The following TTC6 variants were observed in gnomAD, a reference collection of about 807,000 sequenced individuals.
TTC6 encodes tetratricopeptide repeat domain 6, also known as tetratricopeptide repeat protein 6.
TTC6 carries 172 observed loss-of-function variants against 210.4 expected under a neutral mutation model. The observed-to-expected ratio is 0.82, with a 90% confidence interval of 0.72 to 0.93. The LOEUF is 0.93. Among genes scored for constraint, TTC6 ranks in the 40% least tolerant of loss-of-function variants. The pLI is 0.00. For missense variants in TTC6, 2,414 were observed against 2,318.1 expected (o/e 1.04, Z -0.85); for synonymous variants, 804 against 819.6 (o/e 0.98, Z 0.32).
intron 5 of TTC6, 145 bp downstream of exon 7, chr14:37,701,671 C>T (rs1277400465): frequency 3.1e-6 from 2 of 636,436 alleles, no homozygotes; most frequent in Non-Finnish European, 5.1e-6. Context: ...TCTGCTGCTT[C>T]CTCAGGTATA....
intron 1 of TTC6, among the ~76,000 whole-genome samples, chr14:37,673,199 G>A (rs34813864): frequency 0.057 from 8,705 of 152,124 alleles, 383 homozygotes; most frequent in Non-Finnish European, 0.089. Context: ...GGGTAAGAAC[G>A]GATGTCAAGC....
chr14:37,685,544 TG>T, intron 3 of TTC6, among the ~76,000 whole-genome samples: 1 of 152,310 alleles, frequency 6.6e-6, no homozygotes, highest in African/African-American at 2.4e-5. Context: ...AATTTATTTT[TG>T]GAAAAAGGTT....
intron 1 of TTC6, among the ~76,000 whole-genome samples, chr14:37,599,578 G>A (rs908592089): frequency 1.3e-5 from 2 of 152,180 alleles, no homozygotes; most frequent in East Asian, 3.9e-4. Flanking sequence ...CTCCGGGCGC[G>A]GACCTAGCTC....
At chr14:37,827,564 C>T (rs1342234383) in intron 29 of TTC6, among the ~76,000 whole-genome samples, 198 bp downstream of exon 31, 1 of 151,974 alleles carries the variant, frequency 6.6e-6, no homozygotes, top group Non-Finnish European at 1.5e-5. Flanking sequence ...TTATTCTCCT[C>T]ATTAACACTT....
chr14:37,722,998 A>G (rs902134101), intron 6 of TTC6, among the ~76,000 whole-genome samples: 1 of 152,174 alleles, frequency 6.6e-6, no homozygotes, highest in Non-Finnish European at 1.5e-5. Flanking sequence ...ATTTATTTAT[A>G]TCAGTATGAT....
intron 1 of TTC6, 37 bp downstream of exon 3, chr14:37,623,040 A>AT: frequency 1.4e-6 from 2 of 1,406,210 alleles, no homozygotes; most frequent in Non-Finnish European, 1.9e-6. Context: ...TTTTTCCCAA[A>AT]TGCAATTTGG....
chr14:37,666,662 C>T (rs952643231), intron 1 of TTC6, among the ~76,000 whole-genome samples: 1 of 150,178 alleles, frequency 6.7e-6, no homozygotes, highest in Non-Finnish European at 1.5e-5. Flanking sequence ...GAAAGATACC[C>T]TCAAAACTTG....
intron 2 of TTC6, among the ~76,000 whole-genome samples, chr14:37,615,120 C>A (rs751054858): frequency 2.0e-5 from 3 of 152,184 alleles, no homozygotes; most frequent in African/African-American, 7.2e-5. Flanking sequence ...TTAGGGGTGT[C>A]TGATGAGAAG....
chr14:37,693,180 TAAAC>T (rs2095807640), intron 3 of TTC6, among the ~76,000 whole-genome samples: 1 of 152,148 alleles, frequency 6.6e-6, no homozygotes, highest in South Asian at 2.1e-4. Flanking sequence ...TGAGAACTGA[TAAAC>T]AAATTTAGTA....
At chr14:37,837,617 T>C in intron 29 of TTC6, 1 of 244,574 alleles carries the variant, frequency 4.1e-6, no homozygotes, top group South Asian at 4.0e-5. Context: ...GTCCTTACTA[T>C]TTTCTGCATA....
intron 1 of TTC6, among the ~76,000 whole-genome samples, chr14:37,632,925 T>C (rs2095672773): frequency 6.6e-6 from 1 of 152,176 alleles, no homozygotes; most frequent in Non-Finnish European, 1.5e-5. Context: ...GAAAAACTCC[T>C]ACTCAATCAG....
chr14:37,681,940 G>A (rs2095784779), intron 2 of TTC6, among the ~76,000 whole-genome samples: 1 of 152,270 alleles, frequency 6.6e-6, no homozygotes, highest in Non-Finnish European at 1.5e-5. Context: ...CCCTTTTGCA[G>A]TTAGATGGGG....
intron 1 of TTC6, among the ~76,000 whole-genome samples, chr14:37,670,513 G>A (rs1324347632): frequency 4.8e-5 from 6 of 124,596 alleles, no homozygotes; most frequent in Admixed American, 1.9e-4. Flanking sequence ...CTCTGTTGTC[G>A]AGGCTGGAGT....
chr14:37,766,571 A>G (rs1297990950), intron 14 of TTC6, among the ~76,000 whole-genome samples: 1 of 152,194 alleles, frequency 6.6e-6, no homozygotes, highest in Non-Finnish European at 1.5e-5. Context: ...ATAGTGTTCC[A>G]TGCTGTATAT....
chr14:37,788,897 T>A (rs1214360932), intron 15 of TTC6, among the ~76,000 whole-genome samples: 1 of 152,168 alleles, frequency 6.6e-6, no homozygotes, highest in Non-Finnish European at 1.5e-5. Flanking sequence ...ACTGGCCACA[T>A]CCCTTTCTCT....
intron 1 of TTC6, among the ~76,000 whole-genome samples, chr14:37,653,501 T>C (rs1345470553): frequency 6.6e-6 from 1 of 152,024 alleles, no homozygotes; most frequent in African/African-American, 2.4e-5. Flanking sequence ...ATGTTTTCAA[T>C]TTTAGCTTCT....
At chr14:37,736,424 T>C (rs992714214) in intron 8 of TTC6, among the ~76,000 whole-genome samples, 2 of 152,304 alleles carry the variant, frequency 1.3e-5, no homozygotes, top group Admixed American at 1.3e-4. Flanking sequence ...TTGCTGAAGA[T>C]ACATTTCTAC....
Position 37,835,334 on chromosome 14 carries a change from T to G in TTC6, c.5299-6111T>G, listed in dbSNP as rs73260761. On this transcript the variant is annotated intron_variant, in intron 29 of 30. Transcript: ENST00000553443. ...AGACTTTGAGGGTAAGAGGTTTTTTTTGTGTGTGTGTCTTTAAGATGAGAG... is the reference window on the plus strand; with the variant it reads ...AGACTTTGAGGGTAAGAGGTTTTTTGTGTGTGTGTGTCTTTAAGATGAGAG... Among the ~76,000 whole-genome samples, 1,322 of 152,264 alleles carry G rather than the reference T, an allele frequency of 8.7e-3. 23 individuals carry two copies. Among genetic ancestry groups the G allele is most frequent in the African/African-American group, 0.029 (1,218 of 41,542 alleles).
intron 14 of TTC6, among the ~76,000 whole-genome samples, chr14:37,756,782 C>T (rs547530355): frequency 2.0e-4 from 31 of 152,256 alleles, no homozygotes; most frequent in South Asian, 1.2e-3. Flanking sequence ...CATCGATGTT[C>T]ATCAGCGATA....
Sources: allele counts gnomAD v4.1 joint callset (sites outside exome capture counted in the v4.1 genomes callset), GRCh38; gene constraint gnomAD v4.1.1; transcripts MANE v1.5; gene names NCBI Gene and HGNC (gene_info 2026-07-23, HGNC 2026-07-21).